Variants in SRCAP observed in about 807,000 individuals in gnomAD.
SRCAP encodes the protein chromatin remodeling protein SRCAP.
A neutral mutation model predicts 263.1 loss-of-function variants in SRCAP; 46 were observed. The ratio of observed to expected loss-of-function variants is 0.17; its 90% CI spans 0.14 to 0.22. The LOEUF (loss-of-function observed/expected upper bound fraction) is 0.22, where lower values mean the gene tolerates loss of function less well. Among genes scored for constraint, SRCAP ranks in the 10% least tolerant of loss-of-function variants. The pLI is 1.00. For synonymous variants in SRCAP, 1,813 were observed against 1,662.1 expected (o/e 1.09, Z -2.21); for missense variants, 3,695 against 4,181.9 (o/e 0.88, Z 3.21).
At chr16:30,720,101 C>T in intron 18 of SRCAP, 61 bp from the exon 19 acceptor site, 1 of 1,552,784 alleles carries the variant, frequency 6.4e-7, no homozygotes, top group Non-Finnish European at 8.8e-7. Context: ...CCAGCTACAT[C>T]TGCGTTGCAA....
chr16:30,726,185 T>C lies in SRCAP; in HGVS notation c.5658+1103T>C, dbSNP rs142440450. On this transcript the variant is annotated intron_variant, in intron 25 of 33. Transcript: ENST00000262518. Reference sequence around the variant, plus strand: ...TTAGATTAATGTTCTTTGAATTTTATTGTGTTATAGCGTATATCAGTACTT... The same window carrying C: ...TTAGATTAATGTTCTTTGAATTTTACTGTGTTATAGCGTATATCAGTACTT... 6.0e-4 allele frequency: 91 copies of C among 152,342 alleles called. No homozygotes were observed. The East Asian group carries it at 0.016, about 27-fold the overall frequency. The allele number at this position is 152,342 out of a possible 1,614,324, so 9.4% of individuals were successfully genotyped here.
At position 30,718,426 on chromosome 16, in the gene SRCAP, C is replaced by T. The variant is rs1374198447; in HGVS notation, c.2818-1736C>T. Among the ~76,000 whole-genome samples the T allele has an allele frequency of 3.3e-5, 5 of 151,760 alleles. No individual in the cohort carries two copies. In the East Asian group the frequency reaches 7.8e-4, roughly 24 times the overall value. ...TCCTGACCTCAGGTGATCTGTCCAC[C>T]TCGGCCTCCCAAAGTGCTGGGATTA... On this transcript the variant is annotated intron_variant, in intron 18 of 33. Coordinates refer to ENST00000262518, the MANE Select transcript of SRCAP (RefSeq NM_006662.3).
chr16:30,720,776 G>T lies in SRCAP; in HGVS notation c.3051G>T (p.Ala1017=). ...RTVVVVNNPR[A]PLGPVPVRPP... Reference sequence around the variant, plus strand: ...TGGTGGTGGTGAACAACCCACGGGCGCCCCTGGGCCCTGTCCCAGTTCGAC... The same window carrying T: ...TGGTGGTGGTGAACAACCCACGGGCTCCCCTGGGCCCTGTCCCAGTTCGAC... Residue 1017 remains alanine, a synonymous_variant, in exon 20 of 34, where the codon GCG becomes GCT. Transcript: ENST00000262518. 1 of 1,613,918 alleles carries T rather than the reference G, an allele frequency of 6.2e-7. No individual in the cohort carries two copies. The highest frequency in any genetic ancestry group is 8.5e-7 in the Non-Finnish European group (1 of 1,179,936).
rs763170731 is a variant in SRCAP at position 30,738,603 on chromosome 16, G to C, written c.8563G>C (p.Ala2855Pro). 1 of 1,603,652 alleles carries C rather than the reference G, an allele frequency of 6.2e-7. No individual in the cohort carries two copies. Among genetic ancestry groups the C allele is most frequent in the East Asian group, 2.2e-5 (1 of 44,758 alleles). The change falls in exon 34 of 34, where the codon GCT becomes CCT. Residue 2855 changes from alanine (A) to proline (P), a missense_variant. Ala to Pro is a conservative substitution (Grantham distance 27). Coordinates refer to ENST00000262518, the MANE Select transcript of SRCAP (RefSeq NM_006662.3). ...DGALLAITPP[A>P]VKRRRGRPPK... ...AGCACTGCTCGCCATCACCCCACCT[G>C]CTGTGAAACGTCGGAGGGGGAGGCC... is the stretch of plus-strand genomic sequence containing the variant.
intron 6 of SRCAP, among the ~76,000 whole-genome samples, chr16:30,709,237 C>T (rs1346852038): frequency 6.6e-6 from 1 of 151,646 alleles, no homozygotes; most frequent in Non-Finnish European, 1.5e-5. Flanking sequence ...TGACACTAGT[C>T]TGGCCAACAT....
intron 4 of SRCAP, among the ~76,000 whole-genome samples, chr16:30,704,967 T>C (rs2052810811): frequency 6.6e-6 from 1 of 152,228 alleles, no homozygotes; most frequent in Admixed American, 6.5e-5. Flanking sequence ...GTGTGGTCTC[T>C]GGGCCAGCAG....
At chr16:30,732,408 A>AC (rs2053122128) in intron 27 of SRCAP, among the ~76,000 whole-genome samples, 1 of 150,914 alleles carries the variant, frequency 6.6e-6, no homozygotes. Flanking sequence ...CTGAGATTCC[A>AC]CCATTGCACT....
In SRCAP at chr16:30,724,437, T is replaced by G; in HGVS notation, c.5013T>G (p.Pro1671=). The G allele has an allele frequency of 6.2e-7, 1 of 1,614,068 alleles. No homozygotes were observed. The highest frequency in any genetic ancestry group is 8.5e-7 in the Non-Finnish European group (1 of 1,180,010). Residue 1671 remains proline, a synonymous_variant, in exon 25 of 34, where the codon CCT becomes CCG. Transcript: ENST00000262518. ...TGCTACCAGCCCCGGTTCCGTCACC[T>G]CTCCCGAGCCCGGCTTCTACGCAGA... is the stretch of plus-strand genomic sequence containing the variant. ...QTMLPAPVPS[P]LPSPASTQTL...
chr16:30,715,975 C>A, intron 16 of SRCAP, 91 bp from the exon 17 acceptor site: 1 of 1,523,954 alleles, frequency 6.6e-7, no homozygotes, highest in Admixed American at 1.8e-5. Context: ...TATGGTGTGC[C>A]GTATGACTCC....
In SRCAP at chr16:30,740,077, T is replaced by A; in HGVS notation, c.*344T>A. On this transcript the variant is annotated 3_prime_UTR_variant, in exon 34 of 34. Coordinates refer to ENST00000262518, the MANE Select transcript of SRCAP (RefSeq NM_006662.3). ...CTTCTCTACAATGAGGTTTTTTTCT[T>A]TTTTTTTTTTTTTTAAGAAGAAAAA... 2 of 78,064 alleles carry A rather than the reference T, an allele frequency of 2.6e-5. No individual in the cohort carries two copies. Among genetic ancestry groups the A allele is most frequent in the Non-Finnish European group, 2.1e-5 (1 of 46,558 alleles). The allele number at this position is 78,064 out of a possible 1,614,324, so 4.8% of individuals were successfully genotyped here.
At chr16:30,734,688 G>T in intron 31 of SRCAP, 73 bp downstream of exon 31, 2 of 1,599,558 alleles carry the variant, frequency 1.3e-6, no homozygotes, top group South Asian at 2.2e-5. Flanking sequence ...TTAGTCTGTT[G>T]AGCTTGTCCA....
In SRCAP at chr16:30,725,166, TTAACC is replaced by T. The variant is rs2053052059; in HGVS notation, c.5658+86_5658+90del. ...GGTGGATGGAACAGTGATGTCACAT[TTAACC>T]TGGTGAATTACAAAGCTTAATGTTA... is the stretch of plus-strand genomic sequence containing the variant. On this transcript the variant is annotated intron_variant, in intron 25 of 33. Coordinates refer to ENST00000262518, the MANE Select transcript of SRCAP (RefSeq NM_006662.3). The T allele has an allele frequency of 5.3e-6, 8 of 1,515,962 alleles. No homozygotes were observed. In the East Asian group the frequency reaches 1.8e-4, roughly 34 times the overall value. The allele number at this position is 1,515,962 out of a possible 1,614,324, so 93.9% of individuals were successfully genotyped here. A position where few individuals can be genotyped will look rare whatever the true frequency, so the allele number is the denominator to read the frequency against.
At position 30,711,673 on chromosome 16, in the gene SRCAP, G is replaced by A; in HGVS notation, c.1421G>A (p.Ser474Asn). The A allele has an allele frequency of 3.1e-6, 5 of 1,614,134 alleles. No homozygotes were observed. The highest frequency in any genetic ancestry group is 2.2e-5 in the East Asian group (1 of 44,872). The change falls in exon 11 of 34, where the codon AGC (serine) becomes AAC (asparagine). Residue 474 changes from serine (S) to asparagine (N), a missense_variant. Physicochemically the swap from Ser to Asn is conservative, Grantham distance 46. Transcript: ENST00000262518. Reference sequence around the variant, plus strand: ...GATGAAGATGAGGTTGATGCTAATAGCTCTGACTGTGAACCAGAGGGGCCC... The same window carrying A: ...GATGAAGATGAGGTTGATGCTAATAACTCTGACTGTGAACCAGAGGGGCCC... Reference protein sequence around the residue: ...DEDEDEVDANSSDCEPEGPVE... With the variant: ...DEDEDEVDANNSDCEPEGPVE...
At position 30,700,683 on chromosome 16, in the gene SRCAP, C is replaced by T. The variant is rs374941133; in HGVS notation, c.-142C>T. 1.8e-5 allele frequency: 13 copies of T among 720,006 alleles called. No individual in the cohort carries two copies. The highest frequency in any genetic ancestry group is 9.0e-5 in the African/African-American group (5 of 55,730). 44.6% of individuals were successfully genotyped at this position (720,006 alleles called of 1,614,324 possible). On this transcript the variant is annotated 5_prime_UTR_variant, in exon 3 of 34. Coordinates refer to ENST00000262518, the MANE Select transcript of SRCAP (RefSeq NM_006662.3). ...CTGGTGGGCCCCGGGCCCTGGAAGGCGGGTCCCGGTGGCCGGTGGCCCAGA... is the reference window on the plus strand; with the variant it reads ...CTGGTGGGCCCCGGGCCCTGGAAGGTGGGTCCCGGTGGCCGGTGGCCCAGA...
At position 30,723,080 on chromosome 16, in the gene SRCAP, G is replaced by A; in HGVS notation, c.4010G>A (p.Gly1337Glu). ...CCAGCACCCCGGCCTCCGAGCTCTG[G>A]GCTTCCAGCTGTGTTGAATCCACGC... is the stretch of plus-strand genomic sequence containing the variant. ...LAPAPRPPSS[G>E]LPAVLNPRPT... The change falls in exon 24 of 34, where the codon GGG becomes GAG. Residue 1337 changes from glycine to glutamate, a missense_variant. Gly to Glu is a moderately conservative substitution (Grantham distance 98). Coordinates refer to ENST00000262518, the MANE Select transcript of SRCAP (RefSeq NM_006662.3). 1 of 1,614,020 alleles carries A rather than the reference G, an allele frequency of 6.2e-7. No individual in the cohort carries two copies. Among genetic ancestry groups the A allele is most frequent in the East Asian group, 2.2e-5 (1 of 44,868 alleles).
chr16:30,722,698 G>A lies in SRCAP; in HGVS notation c.3842G>A (p.Ser1281Asn), dbSNP rs2053022860. The stretch of plus-strand genomic sequence containing the variant: ...TCTGTGCTGCCTTCTTCGACCCCCA[G>A]CACCACCCCTGCCCCTACTGGCCTC... ...PVSVLPSSTP[S>N]TTPAPTGLSL... Residue 1281 changes from serine (S) to asparagine (N), a missense_variant, in exon 23 of 34, where the codon AGC becomes AAC. Ser to Asn is a conservative substitution (Grantham distance 46). Coordinates refer to ENST00000262518, the MANE Select transcript of SRCAP (RefSeq NM_006662.3). 6.2e-7 allele frequency: 1 copy of A among 1,613,658 alleles called. No homozygotes were observed. Among genetic ancestry groups the A allele is most frequent in the Non-Finnish European group, 8.5e-7 (1 of 1,179,908 alleles).
rs1384376183 is a variant in SRCAP, at chr16:30,723,567, A to T, written c.4160-17A>T. On this transcript the variant is annotated splice_polypyrimidine_tract_variant and intron_variant, in intron 24 of 33. Coordinates refer to ENST00000262518, the MANE Select transcript of SRCAP (RefSeq NM_006662.3). ...AGGAAAAGAATTCTGGGGCTAACTC[A>T]TCCTCTCTCTCCACAGCTTCAGCCC... The T allele has an allele frequency of 3.7e-6, 6 of 1,602,310 alleles. No homozygotes were observed. The highest frequency in any genetic ancestry group is 1.1e-5 in the South Asian group (1 of 89,280).
chr16:30,702,175 A>G (rs2052774120), intron 3 of SRCAP, among the ~76,000 whole-genome samples: 1 of 151,132 alleles, frequency 6.6e-6, no homozygotes. Flanking sequence ...GATGGTCTTC[A>G]TCTTTGACCT....
At chr16:30,734,334 C>G in intron 30 of SRCAP, 162 bp from the exon 31 acceptor site, 1 of 1,063,548 alleles carries the variant, frequency 9.4e-7, no homozygotes, top group East Asian at 2.5e-5. Context: ...CGAGCAAAAC[C>G]GTCTCAAAAA....
Sources: gnomAD v4.1 joint callset for allele counts (sites outside exome capture counted in the v4.1 genomes callset) on GRCh38, gnomAD v4.1.1 for gene constraint, MANE v1.5 for transcripts, NCBI Gene and HGNC (gene_info 2026-07-23, HGNC 2026-07-21) for gene names.